KLHL7: variants seen among roughly 807,000 people sequenced by gnomAD.
KLHL7 encodes the protein kelch-like protein 7.
Under a neutral mutation model 67.4 loss-of-function variants are expected in KLHL7, and 44 were observed. That is an observed-to-expected ratio of 0.65 (90% CI 0.51 to 0.84). The LOEUF is 0.84. Ranked by LOEUF, KLHL7 falls within the 40% of genes least tolerant of loss-of-function variation. KLHL7 has a pLI of 0.00. For synonymous variants in KLHL7, 252 were observed against 243.3 expected (o/e 1.04, Z -0.33); for missense variants, 362 against 718.1 (o/e 0.50, Z 5.67).
chr7:23,151,681 G>A (rs1784541915), intron 6 of KLHL7, among the ~76,000 whole-genome samples: 1 of 152,132 alleles, frequency 6.6e-6, no homozygotes, highest in Admixed American at 6.5e-5. Context: ...GTCTGTGGTA[G>A]GTCCCAGGTA....
rs1199508838 is a variant in KLHL7 at position 23,176,823 on chromosome 7, AATT to A, written c.*2527_*2529del. 1 of 152,046 alleles carries A rather than the reference AATT, an allele frequency of 6.6e-6. No individual in the cohort carries two copies. The highest frequency in any genetic ancestry group is 2.4e-5 in the African/African-American group (1 of 41,334). The allele number at this position is 152,046 out of a possible 1,614,324, so 9.4% of individuals were successfully genotyped here. A position where few individuals can be genotyped will look rare whatever the true frequency, so the allele number is the denominator to read the frequency against. ...ACCCCGTCTCTACTAAAAATACAAA[AATT>A]AGCCAGGTATGGTGGTGTGCACCTG... On this transcript the variant is annotated 3_prime_UTR_variant, in exon 11 of 11. Coordinates refer to ENST00000339077, the MANE Select transcript of KLHL7 (RefSeq NM_001031710.3).
At position 23,140,771 on chromosome 7, in the gene KLHL7, A is replaced by G. The variant is rs372990687; in HGVS notation, c.445A>G (p.Ile149Val). ...EQVDASNCLG[I>V]SVLAECLDCP... ...TTTTATTTTCTTTCTGTGTTTAGGT[A>G]TAAGTGTGCTAGCGGAGTGTCTAGA... The change falls in exon 5 of 11, where the codon ATA becomes GTA. Residue 149 changes from isoleucine (I) to valine (V), a missense_variant and splice_region_variant. Around this residue, in one of 5 missense-constraint regions of KLHL7, gnomAD observed 155 missense variants for 280.8 expected, o/e 0.55. Coordinates refer to ENST00000339077, the MANE Select transcript of KLHL7 (RefSeq NM_001031710.3). 5 of 1,612,870 alleles carry G rather than the reference A, an allele frequency of 3.1e-6. No homozygotes were observed. The highest frequency in any genetic ancestry group is 1.3e-5 in the African/African-American group (1 of 75,018).
At chr7:23,143,090 TAACTC>T (rs1237940929) in intron 5 of KLHL7, among the ~76,000 whole-genome samples, 7 of 152,160 alleles carry the variant, frequency 4.6e-5, no homozygotes, top group African/African-American at 1.7e-4. Context: ...CATAAAAAAT[TAACTC>T]AGAAAGAGAT....
chr7:23,136,616 G>C (rs2128463326), intron 4 of KLHL7, among the ~76,000 whole-genome samples: 1 of 152,242 alleles, frequency 6.6e-6, no homozygotes, highest in Non-Finnish European at 1.5e-5. Flanking sequence ...AGAAAAGCTG[G>C]AGCACCTAAA....
At chr7:23,157,017 C>T (rs16873355) in intron 7 of KLHL7, among the ~76,000 whole-genome samples, 3,833 of 152,256 alleles carry the variant, frequency 0.025, 139 homozygotes, top group East Asian at 0.13. Flanking sequence ...GTATCATAGC[C>T]GCCTTCCCTC....
At chr7:23,130,068 G>A (rs1247971427) in intron 4 of KLHL7, among the ~76,000 whole-genome samples, 2 of 152,148 alleles carry the variant, frequency 1.3e-5, no homozygotes, top group East Asian at 3.9e-4. Context: ...ATCATCTAAT[G>A]TGTTTTATCC....
chr7:23,138,614 T>G (rs922891476), intron 4 of KLHL7, among the ~76,000 whole-genome samples: 1 of 152,006 alleles, frequency 6.6e-6, no homozygotes, highest in Non-Finnish European at 1.5e-5. Flanking sequence ...CTCAGCTCAC[T>G]GCAACCTCTG....
chr7:23,134,307 G>T (rs563666795), intron 4 of KLHL7, among the ~76,000 whole-genome samples: 3 of 152,208 alleles, frequency 2.0e-5, no homozygotes, highest in Non-Finnish European at 2.9e-5. Context: ...ATCCCACTTG[G>T]TCATGATGAA....
At chr7:23,134,057 C>T (rs1783890817) in intron 4 of KLHL7, among the ~76,000 whole-genome samples, 1 of 152,132 alleles carries the variant, frequency 6.6e-6, no homozygotes, top group Non-Finnish European at 1.5e-5. Flanking sequence ...TTCAGTTTTT[C>T]CCCATTGAAT....
chr7:23,144,175 T>C (rs1433964608), intron 6 of KLHL7, 150 bp downstream of exon 6: 2 of 711,666 alleles, frequency 2.8e-6, no homozygotes, highest in Non-Finnish European at 4.9e-6. Context: ...GTTTCTGAAC[T>C]GTACACCTGG....
At chr7:23,133,785 A>C (rs1251913113) in intron 4 of KLHL7, among the ~76,000 whole-genome samples, 1 of 152,144 alleles carries the variant, frequency 6.6e-6, no homozygotes, top group Non-Finnish European at 1.5e-5. Context: ...AATGCTACTA[A>C]GTTTTGTATG....
At chr7:23,121,133 C>T (rs1783318110) in intron 1 of KLHL7, among the ~76,000 whole-genome samples, 1 of 152,152 alleles carries the variant, frequency 6.6e-6, no homozygotes, top group Non-Finnish European at 1.5e-5. Flanking sequence ...TAATGTCTTC[C>T]AGTTCCATCC....
chr7:23,108,861 C>G (rs745429017), intron 1 of KLHL7, among the ~76,000 whole-genome samples: 1 of 152,296 alleles, frequency 6.6e-6, no homozygotes, highest in East Asian at 1.9e-4. Flanking sequence ...CTGTGTGTAG[C>G]GCTACTTCAT....
chr7:23,157,838 C>T (rs1408731698), intron 7 of KLHL7, among the ~76,000 whole-genome samples: 1 of 152,118 alleles, frequency 6.6e-6, no homozygotes, highest in Admixed American at 6.5e-5. Flanking sequence ...CCACAGCTGG[C>T]CTTAATTATA....
intron 1 of KLHL7, among the ~76,000 whole-genome samples, chr7:23,107,723 G>T (rs138365751): frequency 2.6e-5 from 4 of 152,286 alleles, no homozygotes; most frequent in African/African-American, 9.6e-5. Flanking sequence ...ATGGTTACCT[G>T]GTGAACAACC....
At chr7:23,142,400 C>T (rs1270013743) in intron 5 of KLHL7, among the ~76,000 whole-genome samples, 1 of 152,112 alleles carries the variant, frequency 6.6e-6, no homozygotes, top group Non-Finnish European at 1.5e-5. Flanking sequence ...CAGTCTTCTT[C>T]GTGGCCCAGA....
chr7:23,106,940 C>A, intron 1 of KLHL7: 1 of 510,306 alleles, frequency 2.0e-6, no homozygotes, highest in East Asian at 1.5e-4. Context: ...TAATACACAT[C>A]TAAGTAGATT....
chr7:23,162,115 T>G (rs1352438021), intron 7 of KLHL7, among the ~76,000 whole-genome samples: 4 of 152,182 alleles, frequency 2.6e-5, no homozygotes, highest in Non-Finnish European at 5.9e-5. Flanking sequence ...CCCAGATCAC[T>G]CTACTCCCAG....
In KLHL7 at chr7:23,168,001, T is replaced by C; in HGVS notation, c.1343T>C (p.Leu448Pro). The change falls in exon 9 of 11, where the codon CTT (leucine) becomes CCT (proline). Residue 448 changes from leucine to proline, a missense_variant. Around this residue, in one of 5 missense-constraint regions of KLHL7, gnomAD observed 136 missense variants for 252.7 expected, o/e 0.54. Transcript: ENST00000339077. ...SLGNNVSGRV[L>P]NSCEVYDPAT... ...GGAAACAATGTTTCTGGGAGAGTGC[T>C]TAATTCCTGTGAAGTTTATGATCCT... The C allele has an allele frequency of 6.2e-7, 1 of 1,614,242 alleles. No individual in the cohort carries two copies. Among genetic ancestry groups the C allele is most frequent in the Non-Finnish European group, 8.5e-7 (1 of 1,180,026 alleles).
Sources: allele counts gnomAD v4.1 joint callset (sites outside exome capture counted in the v4.1 genomes callset), GRCh38; gene constraint gnomAD v4.1.1; regional missense constraint gnomAD v4.1.1; transcripts MANE v1.5; gene names NCBI Gene and HGNC (gene_info 2026-07-23, HGNC 2026-07-21).